The following ENOX1 variants were observed in gnomAD, a reference collection of about 807,000 sequenced individuals.
ENOX1 encodes candidate growth-related and time keeping constitutive hydroquinone (NADH) oxidase.
A neutral mutation model predicts 82.5 loss-of-function variants in ENOX1; 42 were observed. That is an observed-to-expected ratio of 0.51 (90% CI 0.40 to 0.66). The LOEUF is 0.66. Among genes scored for constraint, ENOX1 ranks in the 30% least tolerant of loss-of-function variants. The pLI, the probability that ENOX1 is intolerant of heterozygous loss-of-function variation, is 0.00. For missense variants in ENOX1, 608 were observed against 811.6 expected, an observed-to-expected ratio of 0.75 and a Z score of 3.05; for synonymous variants, 271 against 282.2, an observed-to-expected ratio of 0.96 and a Z score of 0.40.
intron 1 of ENOX1, among the ~76,000 whole-genome samples, chr13:43,676,344 T>A (rs2085506776): frequency 6.6e-6 from 1 of 152,324 alleles, no homozygotes; most frequent in East Asian, 1.9e-4. Context: ...TAAAGACACA[T>A]GCTAGGGGCA....
chr13:43,256,939 G>GAT (rs148538376), intron 14 of ENOX1, among the ~76,000 whole-genome samples: 1,644 of 151,814 alleles, frequency 0.011, 27 homozygotes, highest in African/African-American at 0.036. Flanking sequence ...AAGAAACTGT[G>GAT]ATATATATAT....
chr13:43,692,441 T>C (rs2153804509), intron 1 of ENOX1, among the ~76,000 whole-genome samples: 1 of 152,244 alleles, frequency 6.6e-6, no homozygotes, highest in African/African-American at 2.4e-5. Flanking sequence ...CACAAATAAG[T>C]AGCTTTTCAA....
intron 1 of ENOX1, among the ~76,000 whole-genome samples, chr13:43,778,261 A>C (rs1056618949): frequency 4.6e-5 from 7 of 152,230 alleles, no homozygotes; most frequent in Non-Finnish European, 1.0e-4. Context: ...TTCATAATTA[A>C]GCATTCAATT....
chr13:43,500,766 A>G (rs539606858), intron 2 of ENOX1, among the ~76,000 whole-genome samples: 2 of 152,070 alleles, frequency 1.3e-5, no homozygotes, highest in African/African-American at 4.8e-5. Context: ...AAGAATAACT[A>G]TTACCAAAAA....
chr13:43,257,359 A>G (rs1304409942), intron 14 of ENOX1, among the ~76,000 whole-genome samples: 1 of 152,364 alleles, frequency 6.6e-6, no homozygotes, highest in South Asian at 2.1e-4. Flanking sequence ...TGATTTGATC[A>G]TTATACATTA....
intron 2 of ENOX1, among the ~76,000 whole-genome samples, chr13:43,572,343 C>T (rs886153119): frequency 2.6e-5 from 4 of 152,164 alleles, no homozygotes; most frequent in Non-Finnish European, 4.4e-5. Flanking sequence ...AACAGAGACC[C>T]TTAACTAAGC....
chr13:43,337,811 C>T (rs2048802356), intron 9 of ENOX1, among the ~76,000 whole-genome samples: 1 of 152,092 alleles, frequency 6.6e-6, no homozygotes, highest in Non-Finnish European at 1.5e-5. Flanking sequence ...TGGTTCTAAA[C>T]TGCCCATAAA....
At chr13:43,339,686 G>A (rs762798495) in intron 9 of ENOX1, among the ~76,000 whole-genome samples, 3 of 152,174 alleles carry the variant, frequency 2.0e-5, no homozygotes, top group Non-Finnish European at 4.4e-5. Flanking sequence ...AGATCTTTCG[G>A]CACTGACACT....
intron 10 of ENOX1, among the ~76,000 whole-genome samples, chr13:43,323,953 A>T: frequency 6.6e-6 from 1 of 152,360 alleles, no homozygotes; most frequent in Middle Eastern, 3.4e-3. Context: ...CCCTTGCAGA[A>T]GACAGGGAAG....
chr13:43,696,227 T>A (rs544859504), intron 1 of ENOX1, among the ~76,000 whole-genome samples: 2 of 152,220 alleles, frequency 1.3e-5, no homozygotes, highest in Non-Finnish European at 2.9e-5. Context: ...CTTCCCACTG[T>A]TTAGCTATTA....
intron 3 of ENOX1, among the ~76,000 whole-genome samples, chr13:43,427,236 G>C (rs7990621): frequency 0.61 from 92,484 of 152,116 alleles, 28,309 homozygotes; most frequent in African/African-American, 0.67. Context: ...TCCCCAGATG[G>C]AACCGCTGGG....
rs570087796 is a variant in ENOX1, at chr13:43,624,788, T to G, written c.-219+42691A>C. On this transcript the variant is annotated intron_variant, in intron 2 of 16. Transcript: ENST00000690772. Reference sequence around the variant, plus strand: ...CTCTATCCATCACCAACCACAGTCTTGATTACTGTATCTACATAATCTCAT... The same window carrying G: ...CTCTATCCATCACCAACCACAGTCTGGATTACTGTATCTACATAATCTCAT... Among the ~76,000 whole-genome samples, 7 of 152,256 alleles carry G rather than the reference T, an allele frequency of 4.6e-5. No homozygotes were observed. In the South Asian group the frequency reaches 1.4e-3, roughly 32 times the overall value.
chr13:43,743,448 A>T, intron 1 of ENOX1, among the ~76,000 whole-genome samples: 1 of 152,208 alleles, frequency 6.6e-6, no homozygotes, highest in East Asian at 1.9e-4. Flanking sequence ...TCTTTCAAGC[A>T]TCTGTTGTGG....
intron 2 of ENOX1, among the ~76,000 whole-genome samples, chr13:43,649,373 C>T (rs1027412): frequency 0.99 from 151,010 of 152,332 alleles, 74,863 homozygotes; most frequent in Middle Eastern, 1. Flanking sequence ...GTTTGTTCTA[C>T]AGATGCCTTA....
intron 1 of ENOX1, among the ~76,000 whole-genome samples, chr13:43,736,265 T>A (rs1167326459): frequency 6.6e-6 from 1 of 152,228 alleles, no homozygotes; most frequent in Non-Finnish European, 1.5e-5. Flanking sequence ...TCAAAAATTG[T>A]CAACAAATGA....
At chr13:43,333,645 G>A (rs967529257) in intron 9 of ENOX1, among the ~76,000 whole-genome samples, 1 of 152,224 alleles carries the variant, frequency 6.6e-6, no homozygotes, top group African/African-American at 2.4e-5. Flanking sequence ...TTCTTTTTGA[G>A]ACGGAGTCTC....
chr13:43,401,249 C>T (rs1175455229), intron 5 of ENOX1, among the ~76,000 whole-genome samples: 1 of 152,138 alleles, frequency 6.6e-6, no homozygotes, highest in Non-Finnish European at 1.5e-5. Flanking sequence ...CTTCTGCTTC[C>T]AGCCACCAGA....
intron 11 of ENOX1, among the ~76,000 whole-genome samples, chr13:43,306,533 C>A (rs2046875235): frequency 6.6e-6 from 1 of 152,136 alleles, no homozygotes; most frequent in South Asian, 2.1e-4. Flanking sequence ...CCCCTGCAGA[C>A]AGTGCACCTC....
chr13:43,735,697 G>T (rs2089593355), intron 1 of ENOX1, among the ~76,000 whole-genome samples: 4 of 152,072 alleles, frequency 2.6e-5, no homozygotes, highest in Admixed American at 2.6e-4. Flanking sequence ...CTCCAGCCTG[G>T]GTGACAGAGC....
Sources: gnomAD v4.1 joint callset for allele counts (sites outside exome capture counted in the v4.1 genomes callset) on GRCh38, gnomAD v4.1.1 for gene constraint, MANE v1.5 for transcripts, NCBI Gene and HGNC (gene_info 2026-07-23, HGNC 2026-07-21) for gene names.